The following BRAF variants were observed in gnomAD, a reference collection of about 807,000 sequenced individuals.
BRAF encodes B-Raf proto-oncogene, serine/threonine kinase.
In BRAF, 16 loss-of-function variants were observed where a neutral mutation model predicts 104.6. The observed-to-expected ratio is 0.15, with a 90% CI of 0.10 to 0.23. BRAF has a LOEUF of 0.23. Ranked by LOEUF, BRAF falls within the 10% of genes least tolerant of loss-of-function variation. The pLI is 1.00. For missense variants in BRAF, 541 were observed against 937.3 expected, an observed-to-expected ratio of 0.58 and a Z score of 5.52; for synonymous variants, 310 against 341.6, an observed-to-expected ratio of 0.91 and a Z score of 1.02.
At chr7:140,873,166 CTTTTTTTTT>C (rs1165344332) in intron 1 of BRAF, among the ~76,000 whole-genome samples, 1 of 99,148 alleles carries the variant, frequency 1.0e-5, no homozygotes, top group East Asian at 3.3e-4. Flanking sequence ...CAGTCTGTGG[CTTTTTTTTT>C]TTTTTTTTTT....
intron 1 of BRAF, among the ~76,000 whole-genome samples, chr7:140,866,015 TC>T (rs1262527292): frequency 6.6e-6 from 1 of 152,176 alleles, no homozygotes; most frequent in Non-Finnish European, 1.5e-5. Flanking sequence ...CACAAAGTCA[TC>T]CACTAAATTT....
intron 1 of BRAF, among the ~76,000 whole-genome samples, chr7:140,858,280 T>G (rs557111935): frequency 6.6e-6 from 1 of 152,192 alleles, no homozygotes; most frequent in African/African-American, 2.4e-5. Flanking sequence ...GAAGTATACA[T>G]GCAAAACATT....
At chr7:140,875,469 G>T (rs997411659) in intron 1 of BRAF, among the ~76,000 whole-genome samples, 1 of 152,148 alleles carries the variant, frequency 6.6e-6, no homozygotes, top group South Asian at 2.1e-4. Flanking sequence ...TCCGCCTCCC[G>T]GGCTCAAGCG....
chr7:140,833,703 TTTTTA>T (rs1364631634), intron 3 of BRAF, among the ~76,000 whole-genome samples: 4 of 152,342 alleles, frequency 2.6e-5, no homozygotes, highest in African/African-American at 9.6e-5. Context: ...AAAGTATGAC[TTTTTA>T]TTTTATTACT....
chr7:140,914,963 CCGGG>C (rs1563035422), intron 1 of BRAF, among the ~76,000 whole-genome samples: 1 of 3,692 alleles, frequency 2.7e-4, no homozygotes, highest in Admixed American at 4.5e-3. Context: ...TCACTTGAAC[CCGGG>C]GGGGGGGGGG....
At chr7:140,747,183 A>G (rs1797421313) in intron 17 of BRAF, among the ~76,000 whole-genome samples, 1 of 152,214 alleles carries the variant, frequency 6.6e-6, no homozygotes, top group Admixed American at 6.5e-5. Flanking sequence ...GTGGAGTTTC[A>G]TAGAAAGTAC....
intron 14 of BRAF, among the ~76,000 whole-genome samples, chr7:140,756,470 C>T (rs2129001523): frequency 1.3e-5 from 2 of 152,002 alleles, no homozygotes; most frequent in East Asian, 3.9e-4. Flanking sequence ...AATCACTACC[C>T]TAAATAATTC....
In BRAF at chr7:140,825,126, C is replaced by T. The variant is rs564158562; in HGVS notation, c.504+9483G>A. On this transcript the variant is annotated intron_variant, in intron 3 of 19. Coordinates refer to ENST00000644969, the MANE Select transcript of BRAF (RefSeq NM_001374258.1). ...CTGGGGTTACAGGCGCCTGCCACCA[C>T]GCCCAGCTAATTTTTGCATTTTTAG... Among the ~76,000 whole-genome samples the T allele has an allele frequency of 5.9e-5, 9 of 152,004 alleles. No individual in the cohort carries two copies. In the East Asian group the frequency reaches 1.4e-3, roughly 23 times the overall value.
At chr7:140,719,264 A>G, downstream of BRAF, 1 of 697,270 alleles carries the variant, frequency 1.4e-6, no homozygotes, top group Non-Finnish European at 1.8e-6. Flanking sequence ...TGTCTAGAAA[A>G]ACTGTTAAAA....
chr7:140,734,567 T>G (rs754911787), intron 19 of BRAF: 6 of 1,613,596 alleles, frequency 3.7e-6, no homozygotes, highest in African/African-American at 1.3e-5. Context: ...CTTTTGTTGC[T>G]ACTCTCCTGA....
At chr7:140,914,165 T>A (rs965019082) in intron 1 of BRAF, among the ~76,000 whole-genome samples, 17 of 152,242 alleles carry the variant, frequency 1.1e-4, no homozygotes, top group Non-Finnish European at 2.1e-4. Context: ...AACACTACTA[T>A]AATTTTGTGA....
Position 140,726,425 on chromosome 7 carries a change from G to A in BRAF, c.*69C>T. The A allele has an allele frequency of 6.5e-7, 1 of 1,531,498 alleles. No homozygotes were observed. The highest frequency in any genetic ancestry group is 1.2e-5 in the South Asian group (1 of 82,420). 94.9% of individuals were successfully genotyped at this position (1,531,498 alleles called of 1,614,324 possible). On this transcript the variant is annotated 3_prime_UTR_variant, in exon 20 of 20. Coordinates refer to ENST00000644969, the MANE Select transcript of BRAF (RefSeq NM_001374258.1). Reference sequence around the variant, plus strand: ...AAAAAGATTTGAGGAACAGAACTGTGTTTTGATGTTAACAAATTGTACGAA... The same window carrying A: ...AAAAAGATTTGAGGAACAGAACTGTATTTTGATGTTAACAAATTGTACGAA...
At chr7:140,919,308 T>C (rs1188121646) in intron 1 of BRAF, among the ~76,000 whole-genome samples, 1 of 152,160 alleles carries the variant, frequency 6.6e-6, no homozygotes, top group Non-Finnish European at 1.5e-5. Flanking sequence ...AACGACGCTT[T>C]ATCCGATGTT....
At chr7:140,801,166 A>AG (rs34810411) in intron 6 of BRAF, 2 of 436,354 alleles carry the variant, frequency 4.6e-6, no homozygotes, top group Admixed American at 8.0e-5. Flanking sequence ...TCTATGGGTT[A>AG]GGGGTCTTGA....
chr7:140,848,832 G>T (rs1005070794), intron 2 of BRAF, among the ~76,000 whole-genome samples: 3 of 152,072 alleles, frequency 2.0e-5, no homozygotes, highest in Admixed American at 6.6e-5. Context: ...GTGTGATCTG[G>T]GATGAGCCAC....
intron 17 of BRAF, among the ~76,000 whole-genome samples, chr7:140,744,848 T>C (rs1797224740): frequency 6.6e-6 from 1 of 152,198 alleles, no homozygotes; most frequent in African/African-American, 2.4e-5. Context: ...ATCAGTTATA[T>C]ATTACTTGCA....
chr7:140,754,291 T>G, intron 14 of BRAF, 58 bp from the exon 14 acceptor site: 1 of 1,465,220 alleles, frequency 6.8e-7, no homozygotes, highest in Non-Finnish European at 9.6e-7. Context: ...GGCCTCGAAA[T>G]CTACAGAACA....
intron 5 of BRAF, among the ~76,000 whole-genome samples, chr7:140,806,611 C>T (rs916676242): frequency 6.6e-6 from 1 of 152,044 alleles, no homozygotes; most frequent in Non-Finnish European, 1.5e-5. Flanking sequence ...CAATTTCTAG[C>T]TAAGAAGAAT....
intron 12 of BRAF, chr7:140,781,280 A>AT: frequency 2.5e-6 from 1 of 393,692 alleles, no homozygotes; most frequent in Non-Finnish European, 4.7e-6. Context: ...TACAAATAAA[A>AT]TTATCAGCTG....
Sources: allele counts gnomAD v4.1 joint callset (sites outside exome capture counted in the v4.1 genomes callset), GRCh38; gene constraint gnomAD v4.1.1; transcripts MANE v1.5; gene names NCBI Gene and HGNC (gene_info 2026-07-23, HGNC 2026-07-21).